Variants in RAG1 observed in about 807,000 individuals in gnomAD.
RAG1 encodes the protein V(D)J recombination-activating protein 1.
A neutral mutation model predicts 62.7 loss-of-function variants in RAG1; 35 were observed. That is an observed-to-expected ratio of 0.56 (90% CI 0.43 to 0.74). RAG1 has a LOEUF of 0.74. Ranked by LOEUF, RAG1 falls within the 30% of genes least tolerant of loss-of-function variation. The probability of loss-of-function intolerance (pLI) is 0.00; values close to 1 mark genes in which losing one functional copy is unlikely to be tolerated. For missense variants in RAG1, 1,169 were observed against 1,278.6 expected (o/e 0.91, Z 1.31); for synonymous variants, 461 against 470.3 (o/e 0.98, Z 0.26).
chr11:36,564,145 A>G (rs1467081647), upstream of RAG1, among the ~76,000 whole-genome samples: 2 of 152,224 alleles, frequency 1.3e-5, no homozygotes, highest in African/African-American at 4.8e-5. Context: ...TCATGAAGAC[A>G]TGGTCCTCAT....
Position 36,576,991 on chromosome 11 carries a change from C to T in RAG1, c.*555C>T, listed in dbSNP as rs553842565. On this transcript the variant is annotated 3_prime_UTR_variant, in exon 2 of 2. Transcript: ENST00000299440. ...TCTTACATTTGTACAGCATGATGAC[C>T]TTTACAAAGTGCTCTCAATGCATTT... 1.8e-4 allele frequency: 31 copies of T among 171,118 alleles called. No individual in the cohort carries two copies. Among genetic ancestry groups the T allele is most frequent in the African/African-American group, 7.5e-4 (31 of 41,552 alleles). 10.6% of individuals were successfully genotyped at this position (171,118 alleles called of 1,614,324 possible). A position where few individuals can be genotyped will look rare whatever the true frequency, so the allele number is the denominator to read the frequency against.
At chr11:36,531,134 ATTAATATAGCTAC>A (rs1030127186) in intron 2 of RAG1, among the ~76,000 whole-genome samples, 2 of 151,890 alleles carry the variant, frequency 1.3e-5, no homozygotes, top group African/African-American at 4.8e-5. Flanking sequence ...TTTATCTGCT[ATTAATATAGCTAC>A]TTACTCTTGC....
chr11:36,531,950 G>C (rs1860263047), intron 2 of RAG1, among the ~76,000 whole-genome samples: 1 of 151,810 alleles, frequency 6.6e-6, no homozygotes, highest in Admixed American at 6.6e-5. Flanking sequence ...TTAGATTAAG[G>C]AATGCTGATA....
chr11:36,548,504 A>AG (rs1232513003), intron 3 of RAG1, among the ~76,000 whole-genome samples: 2 of 152,228 alleles, frequency 1.3e-5, no homozygotes, highest in Admixed American at 1.3e-4. Context: ...CCAAATCATG[A>AG]GTGAACTCCC....
chr11:36,569,942 C>T (rs1306332359), intron 1 of RAG1, among the ~76,000 whole-genome samples: 2 of 152,150 alleles, frequency 1.3e-5, no homozygotes, highest in Non-Finnish European at 2.9e-5. Flanking sequence ...CTTTCCATGT[C>T]ACTGATGCAT....
chr11:36,512,180 A>G (rs1230405249), intron 1 of RAG1, among the ~76,000 whole-genome samples: 1 of 152,150 alleles, frequency 6.6e-6, no homozygotes, highest in African/African-American at 2.4e-5. Flanking sequence ...CCACGTGACT[A>G]GTTCTGGCCT....
chr11:36,559,719 T>C (rs373687557), intron 3 of RAG1, among the ~76,000 whole-genome samples: 19 of 152,310 alleles, frequency 1.2e-4, no homozygotes, highest in African/African-American at 4.1e-4. Flanking sequence ...GATTTCTGTT[T>C]TTTAATGGTA....
At chr11:36,560,560 C>G (rs1258768790) in intron 3 of RAG1, among the ~76,000 whole-genome samples, 1 of 152,126 alleles carries the variant, frequency 6.6e-6, no homozygotes, top group Non-Finnish European at 1.5e-5. Context: ...CTGCTCTCAG[C>G]ATGATGCAGT....
downstream of RAG1, among the ~76,000 whole-genome samples, chr11:36,540,517 G>T (rs1472441938): frequency 6.6e-6 from 1 of 152,106 alleles, no homozygotes. Flanking sequence ...CCATTCTCCT[G>T]CCTCAGCCTC....
chr11:36,522,267 C>T (rs1860091777), intron 2 of RAG1, among the ~76,000 whole-genome samples: 1 of 152,190 alleles, frequency 6.6e-6, no homozygotes, highest in African/African-American at 2.4e-5. Flanking sequence ...GCCCAGGGCT[C>T]CTGTGCTGTG....
Position 36,575,298 on chromosome 11 carries a change from A to G in RAG1, c.1994A>G (p.Glu665Gly). 6.2e-7 allele frequency: 1 copy of G among 1,614,204 alleles called. No homozygotes were observed. ...CCATTGTGCCTTATGCTGGCAGATG[A>G]GTCTGACCACGAGACGCTGACTGCC... Reference protein sequence around the residue: ...CKPLCLMLADESDHETLTAIL... With the variant: ...CKPLCLMLADGSDHETLTAIL... The change falls in exon 2 of 2, where the codon GAG becomes GGG. Residue 665 changes from glutamate to glycine, a missense_variant. This residue lies in a region of RAG1 where 800 missense variants were observed against 943.3 expected (regional missense o/e 0.85). Coordinates refer to ENST00000299440, the MANE Select transcript of RAG1 (RefSeq NM_000448.3). The surrounding 1 kb of genome is among the most constrained non-coding windows in gnomAD (Gnocchi z 4.1).
intron 3 of RAG1, among the ~76,000 whole-genome samples, chr11:36,542,615 T>C (rs918353876): frequency 5.9e-5 from 9 of 152,144 alleles, no homozygotes; most frequent in African/African-American, 1.9e-4. Flanking sequence ...GCCACTCCTT[T>C]GCTTGTTCCC....
rs950302702 is a variant in RAG1 at position 36,576,430 on chromosome 11, A to G, written c.3126A>G (p.Glu1042=). 5.0e-6 allele frequency: 8 copies of G among 1,613,996 alleles called. No individual in the cohort carries two copies. Among genetic ancestry groups the G allele is most frequent in the African/African-American group, 2.7e-5 (2 of 74,936 alleles). ...EDSLESQDSM[E]F The stretch of plus-strand genomic sequence containing the variant: ...CTCTGGAAAGCCAAGATTCAATGGA[A>G]TTTTAAGTAGGGCAACCACTTATGA... The change falls in exon 2 of 2, where the codon GAA becomes GAG. Residue 1042 remains glutamate, a synonymous_variant. Transcript: ENST00000299440.
intron 3 of RAG1, among the ~76,000 whole-genome samples, chr11:36,547,911 A>G (rs925823926): frequency 5.3e-5 from 8 of 152,254 alleles, no homozygotes; most frequent in African/African-American, 1.7e-4. Context: ...GCAGCACATC[A>G]AAAAGCTTAT....
chr11:36,549,073 C>A (rs1277096200), intron 3 of RAG1, among the ~76,000 whole-genome samples: 1 of 152,082 alleles, frequency 6.6e-6, no homozygotes, highest in East Asian at 1.9e-4. Context: ...TAGCCATATG[C>A]AGAAAACTGA....
chr11:36,573,386 T>C lies in RAG1; in HGVS notation c.82T>C (p.Trp28Arg), dbSNP rs1274599533. 1.9e-6 allele frequency: 3 copies of C among 1,614,008 alleles called. No individual in the cohort carries two copies. The highest frequency in any genetic ancestry group is 2.7e-5 in the African/African-American group (2 of 74,906). The change falls in exon 2 of 2, where the codon TGG becomes CGG. Residue 28 changes from tryptophan (W) to arginine (R), a missense_variant. Trp to Arg is a moderately radical substitution (Grantham distance 101). Around this residue, in one of 2 missense-constraint regions of RAG1, gnomAD observed 369 missense variants for 335.3 expected, o/e 1.10. Transcript: ENST00000299440. ...IQHPHIKFSE[W>R]KFKLFRVRSF... ...GCACCCACATATTAAATTTTCAGAA[T>C]GGAAATTTAAGCTGTTCCGGGTGAG...
intron 3 of RAG1, among the ~76,000 whole-genome samples, chr11:36,559,249 A>G (rs34574486): frequency 0.022 from 3,312 of 151,512 alleles, 100 homozygotes; most frequent in African/African-American, 0.072. Flanking sequence ...TTGAGTTGAC[A>G]CTCTTCTCTT....
chr11:36,526,066 T>C (rs759374856), intron 2 of RAG1, among the ~76,000 whole-genome samples: 7 of 152,240 alleles, frequency 4.6e-5, no homozygotes, highest in Non-Finnish European at 7.3e-5. Flanking sequence ...TTCTCATATA[T>C]TGTTGAAGTC....
downstream of RAG1, among the ~76,000 whole-genome samples, chr11:36,537,851 T>C (rs1860355854): frequency 6.6e-6 from 1 of 152,214 alleles, no homozygotes; most frequent in Non-Finnish European, 1.5e-5. Context: ...ACTTATCCTA[T>C]AGTATCTATC....
Sources: allele counts gnomAD v4.1 joint callset (sites outside exome capture counted in the v4.1 genomes callset), GRCh38; gene constraint gnomAD v4.1.1; regional missense constraint gnomAD v4.1.1; non-coding constraint Gnocchi (gnomAD v3.1); transcripts MANE v1.5; gene names NCBI Gene and HGNC (gene_info 2026-07-23, HGNC 2026-07-21).